Variants in GAB4 observed in about 807,000 individuals in gnomAD.
GAB4 encodes GRB2-associated-binding protein 4.
GAB4 carries 26 observed loss-of-function variants against 51.3 expected under a neutral mutation model. The observed-to-expected ratio is 0.51, with a 90% CI of 0.37 to 0.70. GAB4 has a LOEUF of 0.70. Among genes scored for constraint, GAB4 ranks in the 30% least tolerant of loss-of-function variants. GAB4 has a pLI of 0.00. For synonymous variants in GAB4, 329 were observed against 291.2 expected (o/e 1.13, Z -1.32); for missense variants, 759 against 734.6 (o/e 1.03, Z -0.38).
chr22:16,964,920 G>T, intron 7 of GAB4, 58 bp from the exon 8 acceptor site: 1 of 1,348,462 alleles, frequency 7.4e-7, no homozygotes, highest in Non-Finnish European at 1.1e-6. Flanking sequence ...CTGCTGTCAG[G>T]GCTCCAGCCT....
rs2060884280 is a variant in GAB4, at chr22:16,988,133, G to A, written c.513C>T (p.Gly171=). The A allele has an allele frequency of 6.2e-7, 1 of 1,613,094 alleles. No homozygotes were observed. The highest frequency in any genetic ancestry group is 1.1e-5 in the South Asian group (1 of 90,854). ...TGGGCTCAGCTGGAGAAGAGCAGAG[G>A]CCGTGACTGGCTGAGGAAATGTTTC... ...FLGNISSASH[G]LCSSPAEPSC... The change falls in exon 3 of 10, where the codon GGC becomes GGT. Residue 171 remains glycine (G), a synonymous_variant. Coordinates refer to ENST00000400588, the MANE Select transcript of GAB4 (RefSeq NM_001037814.1).
intron 1 of GAB4, among the ~76,000 whole-genome samples, chr22:16,995,341 C>T (rs2060942662): frequency 6.6e-6 from 1 of 152,184 alleles, no homozygotes; most frequent in Non-Finnish European, 1.5e-5. Context: ...TCTTCCAGTG[C>T]CTGTAATTTA....
At chr22:16,986,416 G>A (rs2060868446) in intron 3 of GAB4, among the ~76,000 whole-genome samples, 1 of 152,196 alleles carries the variant, frequency 6.6e-6, no homozygotes, top group African/African-American at 2.4e-5. Context: ...TGCAATAGAG[G>A]GAAAGGGGCA....
chr22:17,005,071 G>A (rs1275109378), intron 1 of GAB4, among the ~76,000 whole-genome samples: 3 of 152,186 alleles, frequency 2.0e-5, no homozygotes, highest in Admixed American at 1.3e-4. Flanking sequence ...GTCTCTGTTT[G>A]CAGATGACAT....
At chr22:16,965,994 A>T in intron 6 of GAB4, 106 bp downstream of exon 6, 1 of 1,034,928 alleles carries the variant, frequency 9.7e-7, no homozygotes, top group Non-Finnish European at 1.5e-6. Flanking sequence ...CAGAGAATTC[A>T]CATGACTTGC....
Position 16,968,337 on chromosome 22 carries a change from C to T in GAB4, c.984G>A (p.Arg328=). ...YTQHGGGNAS[R]PAESMHEGVC... ...CTCCCTCATGCATGGACTCAGCAGGCCGGCTGGCATTCCCTCCACCATGCT... is the reference window on the plus strand; with the variant it reads ...CTCCCTCATGCATGGACTCAGCAGGTCGGCTGGCATTCCCTCCACCATGCT... The change falls in exon 5 of 10, where the codon CGG becomes CGA. Residue 328 remains arginine, a synonymous_variant. Transcript: ENST00000400588. The T allele has an allele frequency of 6.2e-7, 1 of 1,614,076 alleles. No homozygotes were observed. The highest frequency in any genetic ancestry group is 8.5e-7 in the Non-Finnish European group (1 of 1,179,964).
Position 16,988,030 on chromosome 22 carries a change from A to G in GAB4, c.616T>C (p.Trp206Arg), listed in dbSNP as rs569147492. Residue 206 changes from tryptophan to arginine, a missense_variant, in exon 3 of 10, where the codon TGG (tryptophan) becomes CGG (arginine). Physicochemically the swap from Trp to Arg is moderately radical, Grantham distance 101. Around this residue, in one of 3 missense-constraint regions of GAB4, gnomAD observed 588 missense variants for 510.2 expected, o/e 1.15. Coordinates refer to ENST00000400588, the MANE Select transcript of GAB4 (RefSeq NM_001037814.1). ...CACCCCGGAGGTGCAGGGATGGGCCAGGTGGGCGGCACACAGTGAGACACC... is the reference window on the plus strand; with the variant it reads ...CACCCCGGAGGTGCAGGGATGGGCCGGGTGGGCGGCACACAGTGAGACACC... ...PPVSHCVPPT[W>R]PIPAPPGCLR... 1 of 1,609,180 alleles carries G rather than the reference A, an allele frequency of 6.2e-7. No individual in the cohort carries two copies. The highest frequency in any genetic ancestry group is 2.2e-5 in the East Asian group (1 of 44,842).
At chr22:17,006,644 G>A (rs1417793353) in intron 1 of GAB4, among the ~76,000 whole-genome samples, 1 of 152,064 alleles carries the variant, frequency 6.6e-6, no homozygotes, top group Non-Finnish European at 1.5e-5. Context: ...AAGAAAATAT[G>A]GCACATATAC....
intron 2 of GAB4, 144 bp from the exon 3 acceptor site, chr22:16,988,311 G>A (rs1374921836): frequency 4.5e-6 from 3 of 672,114 alleles, no homozygotes; most frequent in Non-Finnish European, 8.0e-6. Context: ...GAGGAGGGCT[G>A]GGGCCTCCTG....
At chr22:16,980,799 C>T (rs570849369) in intron 3 of GAB4, among the ~76,000 whole-genome samples, 3 of 152,280 alleles carry the variant, frequency 2.0e-5, no homozygotes, top group African/African-American at 7.2e-5. Context: ...AAATGTGGCA[C>T]ATATGCACCG....
At chr22:16,998,510 G>T (rs5748790) in intron 1 of GAB4, among the ~76,000 whole-genome samples, 24,434 of 152,126 alleles carry the variant, frequency 0.16, 2,251 homozygotes, top group East Asian at 0.41. Flanking sequence ...CCTAAGACTT[G>T]GCTGAAGTTG....
chr22:16,971,335 C>T (rs1355899063), intron 3 of GAB4, among the ~76,000 whole-genome samples: 1 of 152,192 alleles, frequency 6.6e-6, no homozygotes, highest in Non-Finnish European at 1.5e-5. Flanking sequence ...TTCCTGATCA[C>T]CCCAGACACG....
chr22:16,966,725 G>C (rs1210575397), intron 5 of GAB4: 1 of 231,422 alleles, frequency 4.3e-6, no homozygotes, highest in Non-Finnish European at 8.6e-6. Context: ...ATGGGGTGTG[G>C]GATCACTTAA....
intron 3 of GAB4, among the ~76,000 whole-genome samples, chr22:16,970,526 G>T (rs2060721941): frequency 6.6e-6 from 1 of 152,136 alleles, no homozygotes; most frequent in African/African-American, 2.4e-5. Flanking sequence ...TGATTAGCAG[G>T]GTGGTCAGTT....
intron 1 of GAB4, 67 bp downstream of exon 1, chr22:17,007,874 C>T: frequency 1.4e-6 from 2 of 1,437,338 alleles, no homozygotes; most frequent in Non-Finnish European, 1.9e-6. Flanking sequence ...CCGCCTCCCC[C>T]ACGCCCCTCC....
At position 16,991,972 on chromosome 22, in the gene GAB4, C is replaced by T. The variant is rs1369769902; in HGVS notation, c.379G>A (p.Glu127Lys). 2.5e-6 allele frequency: 4 copies of T among 1,613,854 alleles called. No individual in the cohort carries two copies. Among genetic ancestry groups the T allele is most frequent in the Non-Finnish European group, 3.4e-6 (4 of 1,179,818 alleles). ...TCAGCCACCAGGTAAAAGGTACGCT[C>T]ACTGGTCTTGATGTCAAACATATAG... ...KGYMFDIKTS[E>K]RTFYLVAETR... The change falls in exon 2 of 10, where the codon GAG (glutamate) becomes AAG (lysine). Residue 127 changes from glutamate (E) to lysine (K), a missense_variant. By Grantham distance (56) the Glu-to-Lys change is moderately conservative. Coordinates refer to ENST00000400588, the MANE Select transcript of GAB4 (RefSeq NM_001037814.1).
At chr22:16,991,822 G>A in intron 2 of GAB4, 51 bp downstream of exon 2, 1 of 1,445,264 alleles carries the variant, frequency 6.9e-7, no homozygotes, top group Non-Finnish European at 9.5e-7. Flanking sequence ...CTGGAGATTG[G>A]AGGGCCTCAT....
chr22:16,999,714 T>C (rs977657039), intron 1 of GAB4, among the ~76,000 whole-genome samples: 2 of 152,250 alleles, frequency 1.3e-5, no homozygotes, highest in Non-Finnish European at 2.9e-5. Flanking sequence ...GCTTGTCTAG[T>C]TCTTTTAATT....
chr22:16,989,670 G>A (rs2060897800), intron 2 of GAB4, among the ~76,000 whole-genome samples: 1 of 152,176 alleles, frequency 6.6e-6, no homozygotes, highest in Non-Finnish European at 1.5e-5. Context: ...TATGCTAGGG[G>A]GCCAAGCAGC....
Sources: allele counts gnomAD v4.1 joint callset (sites outside exome capture counted in the v4.1 genomes callset), GRCh38; gene constraint gnomAD v4.1.1; regional missense constraint gnomAD v4.1.1; transcripts MANE v1.5; gene names NCBI Gene and HGNC (gene_info 2026-07-23, HGNC 2026-07-21).